Variants in L3MBTL1 observed in about 807,000 individuals in gnomAD.
L3MBTL1 encodes L3MBTL histone methyl-lysine binding protein 1, also known as lethal(3)malignant brain tumor-like protein 1.
Under a neutral mutation model 105.3 loss-of-function variants are expected in L3MBTL1, and 75 were observed. The ratio of observed to expected loss-of-function variants is 0.71; its 90% CI spans 0.59 to 0.86. L3MBTL1 has a LOEUF of 0.86. L3MBTL1 is among the 40% of genes least tolerant of loss of function. L3MBTL1 has a pLI of 0.00. For synonymous variants in L3MBTL1, 452 were observed against 436.2 expected (o/e 1.04, Z -0.45); for missense variants, 1,069 against 1,126.4 (o/e 0.95, Z 0.73).
In L3MBTL1 at chr20:43,530,406, G is replaced by T. The variant is rs144824191; in HGVS notation, c.1179G>T (p.Leu393=). Residue 393 remains leucine, a synonymous_variant, in exon 10 of 22, where the codon CTG becomes CTT. Transcript: ENST00000418998. ...GGTTCGAGAAGACGGGCCACAAGCT[G>T]CAGCCTCCCAAAGGTAAGGCCTAGC... ...AGWFEKTGHK[L]QPPKGYKEEE... The T allele has an allele frequency of 6.2e-7, 1 of 1,614,114 alleles. No homozygotes were observed. The highest frequency in any genetic ancestry group is 8.5e-7 in the Non-Finnish European group (1 of 1,179,988).
At chr20:43,540,910 G>A (rs577567639) in intron 21 of L3MBTL1, 24 bp from the exon 22 acceptor site, 2 of 1,613,518 alleles carry the variant, frequency 1.2e-6, no homozygotes, top group Admixed American at 3.3e-5. Context: ...TTCTGCTAAG[G>A]AGGGACCCGT....
intron 7 of L3MBTL1, among the ~76,000 whole-genome samples, chr20:43,517,049 G>A (rs2018434690): frequency 6.6e-6 from 1 of 150,756 alleles, no homozygotes; most frequent in African/African-American, 2.4e-5. Context: ...CTCCTGCCTA[G>A]GCTTCCCAAA....
At chr20:43,535,369 G>T (rs2019553600) in intron 16 of L3MBTL1, among the ~76,000 whole-genome samples, 1 of 152,142 alleles carries the variant, frequency 6.6e-6, no homozygotes. Flanking sequence ...TCACCCTTAG[G>T]ATTTCCCTTC....
At chr20:43,513,702 G>A in intron 2 of L3MBTL1, 63 bp downstream of exon 2, 1 of 1,548,210 alleles carries the variant, frequency 6.5e-7, no homozygotes, top group Admixed American at 2.0e-5. Context: ...TCAAGCAAGT[G>A]TGGATCCTGG....
chr20:43,543,571 T>G (rs1978366535), downstream of L3MBTL1, among the ~76,000 whole-genome samples: 1 of 152,054 alleles, frequency 6.6e-6, no homozygotes, highest in South Asian at 2.1e-4. Context: ...AATCTCAGAG[T>G]GGAGCAGGAC....
At position 43,540,758 on chromosome 20, in the gene L3MBTL1, C is replaced by T. The variant is rs761168787; in HGVS notation, c.2337C>T (p.Phe779=). 32 of 1,614,020 alleles carry T rather than the reference C, an allele frequency of 2.0e-5. No individual in the cohort carries two copies. The highest frequency in any genetic ancestry group is 1.1e-4 in the South Asian group (10 of 91,082). The change falls in exon 21 of 22, where the codon TTC becomes TTT. Residue 779 remains phenylalanine, a synonymous_variant. Coordinates refer to ENST00000418998, the MANE Select transcript of L3MBTL1 (RefSeq NM_001377303.1). The part of the protein sequence containing the change: ...TVAKWTIDEV[F]GFVQTLTGCE... ...TGTCATCTTTGGTTTCCAAGGTCTT[C>T]GGCTTTGTTCAGACCCTGACAGGTT...
chr20:43,533,236 C>T (rs2145462571), intron 12 of L3MBTL1, 106 bp from the exon 13 acceptor site: 1 of 990,826 alleles, frequency 1.0e-6, no homozygotes, highest in Non-Finnish European at 1.5e-6. Context: ...CTGTCTCCCT[C>T]TCACTAAGAA....
intron 7 of L3MBTL1, among the ~76,000 whole-genome samples, chr20:43,526,736 G>C (rs116174591): frequency 1.3e-5 from 2 of 152,162 alleles, no homozygotes; most frequent in Non-Finnish European, 2.9e-5. Flanking sequence ...AAGGCAGGCG[G>C]ATCACCTGAG....
chr20:43,518,920 G>A (rs1202282431), intron 7 of L3MBTL1, among the ~76,000 whole-genome samples: 1 of 151,088 alleles, frequency 6.6e-6, no homozygotes, highest in Non-Finnish European at 1.5e-5. Flanking sequence ...CAGCTACTCG[G>A]GAGGCTGAGG....
At chr20:43,543,753 T>C (rs1424379580), downstream of L3MBTL1, among the ~76,000 whole-genome samples, 1 of 152,216 alleles carries the variant, frequency 6.6e-6, no homozygotes, top group East Asian at 1.9e-4. Flanking sequence ...AGTAGAGGGT[T>C]GCTTCATGAG....
chr20:43,521,225 A>T (rs185161199), intron 7 of L3MBTL1, among the ~76,000 whole-genome samples: 1 of 152,220 alleles, frequency 6.6e-6, no homozygotes, highest in Non-Finnish European at 1.5e-5. Flanking sequence ...GACCCAGCAC[A>T]TAGTGGTACC....
Position 43,517,658 on chromosome 20 carries a change from G to A in L3MBTL1, c.862+1481G>A, listed in dbSNP as rs571663883. ...CTCAATCAGTGTTTGTTCAGTGGAT[G>A]AATGGATTGAATGGATGATTTTTAT... On this transcript the variant is annotated intron_variant, in intron 7 of 21. Transcript: ENST00000418998. Among the ~76,000 whole-genome samples, 340 of 152,348 alleles carry A rather than the reference G, an allele frequency of 2.2e-3. 1 individual carries two copies. The highest frequency in any genetic ancestry group is 4.1e-3 in the Non-Finnish European group (277 of 68,028).
chr20:43,538,892 C>T (rs2019766037), intron 19 of L3MBTL1: 1 of 152,238 alleles, frequency 6.6e-6, no homozygotes, highest in Admixed American at 6.5e-5. Flanking sequence ...AACCTGTGGC[C>T]AGGTAGATGA....
intron 7 of L3MBTL1, among the ~76,000 whole-genome samples, chr20:43,518,569 C>T (rs1285112877): frequency 6.6e-6 from 1 of 152,122 alleles, no homozygotes; most frequent in African/African-American, 2.4e-5. Context: ...GATATTCTGA[C>T]TGTGTTCACA....
At chr20:43,530,516 GACCCTGT>G in intron 10 of L3MBTL1, 97 bp downstream of exon 10, 1 of 1,378,984 alleles carries the variant, frequency 7.3e-7, no homozygotes, top group Non-Finnish European at 9.9e-7. Flanking sequence ...TTTGTTTTCT[GACCCTGT>G]ACCCTGTTCC....
chr20:43,516,108 G>A lies in L3MBTL1; in HGVS notation c.793G>A (p.Gly265Arg), dbSNP rs571140894. Residue 265 changes from glycine (G) to arginine (R), a missense_variant, in exon 7 of 22, where the codon GGA becomes AGA. Coordinates refer to ENST00000418998, the MANE Select transcript of L3MBTL1 (RefSeq NM_001377303.1). ...CCTTCTACAGGAGAAGCAAGAAGAA[G>A]GAAAGGACCCAGAGGGACAACCCAC... The part of the protein sequence containing the change: ...EPEAMEKQEE[G>R]KDPEGQPTAS... The A allele has an allele frequency of 6.2e-6, 10 of 1,613,964 alleles. No homozygotes were observed. In the Admixed American group the frequency reaches 1.7e-4, roughly 27 times the overall value.
In L3MBTL1 at chr20:43,513,489, G is replaced by C. The variant is rs1405984816; in HGVS notation, c.-15G>C. 3.2e-6 allele frequency: 5 copies of C among 1,549,670 alleles called. No individual in the cohort carries two copies. The highest frequency in any genetic ancestry group is 4.4e-6 in the Non-Finnish European group (5 of 1,146,366). On this transcript the variant is annotated 5_prime_UTR_variant, in exon 2 of 22. Transcript: ENST00000418998. ...TTTGGCTTGTAGGCCTGCCAGGATGGAGGGGCATGCTGGGATGGAGGGGCA... is the reference window on the plus strand; with the variant it reads ...TTTGGCTTGTAGGCCTGCCAGGATGCAGGGGCATGCTGGGATGGAGGGGCA...
intron 19 of L3MBTL1, chr20:43,539,667 AG>A (rs2019805849): frequency 1.2e-5 from 3 of 254,276 alleles, no homozygotes; most frequent in South Asian, 9.4e-5. Flanking sequence ...CAGCCTGGTC[AG>A]GGGGACTGTG....
At position 43,533,388 on chromosome 20, in the gene L3MBTL1, A is replaced by G. The variant is rs769497297; in HGVS notation, c.1483A>G (p.Lys495Glu). 9 of 1,613,894 alleles carry G rather than the reference A, an allele frequency of 5.6e-6. No individual in the cohort carries two copies. The highest frequency in any genetic ancestry group is 7.6e-6 in the Non-Finnish European group (9 of 1,179,936). Residue 495 changes from lysine (K) to glutamate (E), a missense_variant, in exon 13 of 22, where the codon AAG becomes GAG. Coordinates refer to ENST00000418998, the MANE Select transcript of L3MBTL1 (RefSeq NM_001377303.1). The part of the protein sequence containing the change: ...PYIHPVGWCQ[K>E]QGKPLTPPQD... The stretch of plus-strand genomic sequence containing the variant: ...CATCCACCCAGTGGGCTGGTGCCAG[A>G]AGCAAGGAAAGCCCCTCACCCCTCC...
Sources: allele counts gnomAD v4.1 joint callset (sites outside exome capture counted in the v4.1 genomes callset), GRCh38; gene constraint gnomAD v4.1.1; transcripts MANE v1.5; gene names NCBI Gene and HGNC (gene_info 2026-07-23, HGNC 2026-07-21).